MTMR14: variants seen among roughly 807,000 people sequenced by gnomAD.
MTMR14 encodes the protein phosphatidylinositol-3,5-bisphosphate 3-phosphatase MTMR14.
In MTMR14, 48 loss-of-function variants were observed where a neutral mutation model predicts 86.3. The ratio of observed to expected loss-of-function variants is 0.56; its 90% CI spans 0.44 to 0.71. MTMR14 has a LOEUF of 0.71. Ranked by LOEUF, MTMR14 falls within the 30% of genes least tolerant of loss-of-function variation. The pLI is 0.00. For synonymous variants in MTMR14, 366 were observed against 326.1 expected, an observed-to-expected ratio of 1.12 and a Z score of -1.32; for missense variants, 780 against 834.6, an observed-to-expected ratio of 0.93 and a Z score of 0.81.
intron 3 of MTMR14, among the ~76,000 whole-genome samples, chr3:9,664,843 G>A (rs2048157947): frequency 6.6e-6 from 1 of 152,158 alleles, no homozygotes; most frequent in Non-Finnish European, 1.5e-5. Context: ...GTATTTGATA[G>A]TACAACAGGG....
chr3:9,664,879 G>A (rs1342561185), intron 3 of MTMR14, among the ~76,000 whole-genome samples: 1 of 152,114 alleles, frequency 6.6e-6, no homozygotes, highest in East Asian at 1.9e-4. Context: ...ATAATTTATT[G>A]TACATTTAAA....
At chr3:9,684,750 A>C in intron 11 of MTMR14, 80 bp downstream of exon 11, 2 of 1,564,054 alleles carry the variant, frequency 1.3e-6, no homozygotes, top group South Asian at 1.1e-5. Flanking sequence ...GGAGCAGGGG[A>C]TGCCATCGCT....
intron 17 of MTMR14, among the ~76,000 whole-genome samples, chr3:9,694,347 A>G (rs908997992): frequency 2.6e-5 from 4 of 152,218 alleles, no homozygotes; most frequent in African/African-American, 9.6e-5. Flanking sequence ...AGTTTGGGTT[A>G]AAATGAAATA....
Position 9,702,120 on chromosome 3 carries a change from G to A in MTMR14, c.*147G>A. On this transcript the variant is annotated 3_prime_UTR_variant, in exon 19 of 19. Coordinates refer to ENST00000296003, the MANE Select transcript of MTMR14 (RefSeq NM_001077525.3). ...TCATGAACATGGCAGCCCCAAAGCT[G>A]AGCAAGGCCAAAGACAGGGTTTTCC... 4 of 1,055,412 alleles carry A rather than the reference G, an allele frequency of 3.8e-6. No homozygotes were observed. Among genetic ancestry groups the A allele is most frequent in the Admixed American group, 2.0e-5 (1 of 50,448 alleles). The allele number at this position is 1,055,412 out of a possible 1,614,324, so 65.4% of individuals were successfully genotyped here.
intron 6 of MTMR14, among the ~76,000 whole-genome samples, chr3:9,672,238 A>C (rs2048604179): frequency 1.3e-5 from 2 of 151,906 alleles, no homozygotes; most frequent in Admixed American, 6.6e-5. Flanking sequence ...AGGGGCAGAG[A>C]AGGTAGAGTT....
At chr3:9,671,675 C>A (rs2048573027) in intron 6 of MTMR14, among the ~76,000 whole-genome samples, 1 of 151,938 alleles carries the variant, frequency 6.6e-6, no homozygotes, top group Non-Finnish European at 1.5e-5. Context: ...TAAAATTGAA[C>A]AAAAAAATCA....
intron 2 of MTMR14, among the ~76,000 whole-genome samples, chr3:9,658,881 A>G (rs1315324108): frequency 6.6e-6 from 1 of 152,186 alleles, no homozygotes; most frequent in Admixed American, 6.5e-5. Flanking sequence ...TGATAACAGC[A>G]TTTTCTTCTG....
chr3:9,701,769 T>C lies in MTMR14; in HGVS notation c.1770-21T>C. The C allele has an allele frequency of 1.2e-6, 2 of 1,612,332 alleles. No homozygotes were observed. The highest frequency in any genetic ancestry group is 1.7e-6 in the Non-Finnish European group (2 of 1,179,902). Reference sequence around the variant, plus strand: ...CTGTCCCAGGGTAATGTCTTTGTTCTTTCTCTTGACCTCCCCATAGGCTTG... The same window carrying C: ...CTGTCCCAGGGTAATGTCTTTGTTCCTTCTCTTGACCTCCCCATAGGCTTG... On this transcript the variant is annotated intron_variant, in intron 18 of 18. Transcript: ENST00000296003. The surrounding 1 kb of genome is among the most constrained non-coding windows in gnomAD (Gnocchi z 4.2).
intron 9 of MTMR14, among the ~76,000 whole-genome samples, chr3:9,680,745 G>C (rs2075737812): frequency 1.3e-5 from 2 of 152,274 alleles, no homozygotes; most frequent in Admixed American, 1.3e-4. Flanking sequence ...ACTGAGGCAG[G>C]AGAATGGCGT....
Position 9,684,572 on chromosome 3 carries a change from G to C in MTMR14, c.965-13G>C. The C allele has an allele frequency of 1.2e-6, 2 of 1,613,922 alleles. No individual in the cohort carries two copies. The highest frequency in any genetic ancestry group is 2.2e-5 in the East Asian group (1 of 44,864). ...TTCTCTCCTGGGCATCCTCTCCTGC[G>C]GTTCCTGAGTAGATGACAGCGGGCT... On this transcript the variant is annotated splice_polypyrimidine_tract_variant and intron_variant, in intron 10 of 18. Transcript: ENST00000296003.
chr3:9,664,851 G>T (rs1296961350), intron 3 of MTMR14, among the ~76,000 whole-genome samples: 2 of 152,132 alleles, frequency 1.3e-5, no homozygotes, highest in Admixed American at 1.3e-4. Context: ...TAGTACAACA[G>T]GGTGACTGCA....
chr3:9,653,216 CAG>C (rs2047406315), intron 1 of MTMR14, among the ~76,000 whole-genome samples: 1 of 152,180 alleles, frequency 6.6e-6, no homozygotes, highest in South Asian at 2.1e-4. Flanking sequence ...GCCTGGGCGA[CAG>C]AGCGAGACTC....
At chr3:9,687,626 C>T (rs570318370) in intron 13 of MTMR14, among the ~76,000 whole-genome samples, 195 bp from the exon 14 acceptor site, 4 of 152,132 alleles carry the variant, frequency 2.6e-5, no homozygotes, top group Non-Finnish European at 4.4e-5. Flanking sequence ...TGCCTTGCCC[C>T]GGCCCACATG....
At chr3:9,657,793 C>T (rs1275262419) in intron 2 of MTMR14, among the ~76,000 whole-genome samples, 2 of 152,138 alleles carry the variant, frequency 1.3e-5, no homozygotes, top group Admixed American at 1.3e-4. Flanking sequence ...TCGTGATCCA[C>T]TGGTCTCGGC....
rs778215099 is a variant in MTMR14, at chr3:9,687,816, T to C, written c.1165-5T>C. 4.5e-6 allele frequency: 7 copies of C among 1,570,244 alleles called. No homozygotes were observed. In the Admixed American group the frequency reaches 1.3e-4, roughly 29 times the overall value. On this transcript the variant is annotated splice_polypyrimidine_tract_variant and splice_region_variant and intron_variant, in intron 13 of 18. Coordinates refer to ENST00000296003, the MANE Select transcript of MTMR14 (RefSeq NM_001077525.3). ...CATTGTGCGCTGCTCTTTGGTCTCC[T>C]TTAGATTTTCTTCTTCTGCTTCAAT...
chr3:9,680,730 G>A (rs1387451963), intron 9 of MTMR14, among the ~76,000 whole-genome samples: 18 of 152,320 alleles, frequency 1.2e-4, no homozygotes, highest in Admixed American at 9.1e-4. Context: ...CCAGCTACTC[G>A]GGAGACTGAG....
chr3:9,662,387 A>G lies in MTMR14; in HGVS notation c.417+12A>G. The stretch of plus-strand genomic sequence containing the variant: ...TGTTCAAGGGCAAGGTAAGGCCCAT[A>G]CCATAGCTTCATGCTCCACGACTCT... On this transcript the variant is annotated intron_variant, in intron 3 of 18. Transcript: ENST00000296003. 1.2e-6 allele frequency: 2 copies of G among 1,602,464 alleles called. No individual in the cohort carries two copies. The highest frequency in any genetic ancestry group is 1.7e-6 in the Non-Finnish European group (2 of 1,169,800).
intron 9 of MTMR14, 68 bp downstream of exon 9, chr3:9,678,126 T>C: frequency 6.5e-7 from 1 of 1,533,216 alleles, no homozygotes; most frequent in South Asian, 1.1e-5. Flanking sequence ...TCTTGATGCC[T>C]GCCCCACAAG....
At chr3:9,683,756 A>G (rs2075847645) in intron 10 of MTMR14, 1 of 157,150 alleles carries the variant, frequency 6.4e-6, no homozygotes, top group Admixed American at 6.1e-5. Flanking sequence ...GCACTTGCTC[A>G]AACAAGTGGA....
Sources: allele counts gnomAD v4.1 joint callset (sites outside exome capture counted in the v4.1 genomes callset), GRCh38; gene constraint gnomAD v4.1.1; non-coding constraint Gnocchi (gnomAD v3.1); transcripts MANE v1.5; gene names NCBI Gene and HGNC (gene_info 2026-07-23, HGNC 2026-07-21).